Variants in MIPOL1 observed in about 807,000 individuals in gnomAD.
MIPOL1 encodes the protein mirror-image polydactyly 1.
A neutral mutation model predicts 60.9 loss-of-function variants in MIPOL1; 57 were observed. That is an observed-to-expected ratio of 0.94 (90% CI 0.76 to 1.17). The LOEUF is 1.17. MIPOL1 is among the 50% of genes most tolerant of loss of function. The probability of loss-of-function intolerance (pLI) is 0.00; values close to 1 mark genes in which losing one functional copy is unlikely to be tolerated. For synonymous variants in MIPOL1, 179 were observed against 168.8 expected, an observed-to-expected ratio of 1.06 and a Z score of -0.47; for missense variants, 551 against 511.6, an observed-to-expected ratio of 1.08 and a Z score of -0.74.
At chr14:37,434,229 C>T (rs2094125708) in intron 11 of MIPOL1, among the ~76,000 whole-genome samples, 1 of 152,168 alleles carries the variant, frequency 6.6e-6, no homozygotes, top group South Asian at 2.1e-4. Context: ...ACCATTCTAA[C>T]TGGCGTGAGA....
chr14:37,225,015 A>G (rs1969462846), intron 1 of MIPOL1, among the ~76,000 whole-genome samples: 1 of 152,176 alleles, frequency 6.6e-6, no homozygotes, highest in Non-Finnish European at 1.5e-5. Context: ...GTCAAATATT[A>G]AAGTTCCAGA....
chr14:37,418,374 T>C (rs868563515), intron 10 of MIPOL1, among the ~76,000 whole-genome samples: 2 of 152,140 alleles, frequency 1.3e-5, no homozygotes, highest in Non-Finnish European at 2.9e-5. Flanking sequence ...ATGGCTGTCC[T>C]ATTTAGATGG....
intron 11 of MIPOL1, among the ~76,000 whole-genome samples, chr14:37,436,895 A>G (rs971181587): frequency 6.6e-6 from 1 of 152,196 alleles, no homozygotes; most frequent in African/African-American, 2.4e-5. Context: ...CTAGTTCTCT[A>G]AAGTTTAAAT....
chr14:37,372,530 G>T (rs868831732), intron 10 of MIPOL1, among the ~76,000 whole-genome samples: 5 of 151,936 alleles, frequency 3.3e-5, no homozygotes, highest in Admixed American at 6.6e-5. Flanking sequence ...GAGATGGGTG[G>T]ATCACTTGGG....
chr14:37,430,872 C>T (rs1445687052), intron 11 of MIPOL1, among the ~76,000 whole-genome samples: 2 of 152,136 alleles, frequency 1.3e-5, no homozygotes, highest in African/African-American at 2.4e-5. Flanking sequence ...TCCAGAAGGA[C>T]GTTTTTTGGC....
At chr14:37,319,454 G>A (rs893854706) in intron 9 of MIPOL1, among the ~76,000 whole-genome samples, 2 of 152,082 alleles carry the variant, frequency 1.3e-5, no homozygotes, top group African/African-American at 4.8e-5. Flanking sequence ...TGCAGTTTTT[G>A]AGTTTTCTGA....
intron 1 of MIPOL1, among the ~76,000 whole-genome samples, chr14:37,226,169 C>T (rs557493770): frequency 2.1e-4 from 32 of 152,152 alleles, no homozygotes; most frequent in African/African-American, 5.8e-4. Context: ...TCTTCTGACC[C>T]CTGCAAACTG....
chr14:37,463,180 A>G (rs368585819), intron 11 of MIPOL1, among the ~76,000 whole-genome samples: 1 of 152,218 alleles, frequency 6.6e-6, no homozygotes, highest in Admixed American at 6.5e-5. Context: ...TGTGGATGTC[A>G]GCAGGCTAAG....
chr14:37,500,391 G>A (rs2095198472), intron 12 of MIPOL1, among the ~76,000 whole-genome samples: 1 of 152,032 alleles, frequency 6.6e-6, no homozygotes, highest in Middle Eastern at 3.2e-3. Context: ...AGTTCATGGA[G>A]GCCATACTAT....
intron 9 of MIPOL1, among the ~76,000 whole-genome samples, chr14:37,346,865 A>T (rs1299737844): frequency 6.6e-6 from 1 of 152,198 alleles, no homozygotes; most frequent in African/African-American, 2.4e-5. Context: ...AGAAGTGATA[A>T]TGAAGCTTGT....
At chr14:37,310,624 A>C (rs1382025423) in intron 9 of MIPOL1, among the ~76,000 whole-genome samples, 2 of 152,136 alleles carry the variant, frequency 1.3e-5, no homozygotes, top group Non-Finnish European at 2.9e-5. Context: ...CTCCTACTTC[A>C]TAAAATGTTT....
chr14:37,308,218 T>C, intron 8 of MIPOL1, 129 bp downstream of exon 8: 4 of 1,182,914 alleles, frequency 3.4e-6, no homozygotes, highest in Non-Finnish European at 4.7e-6. Context: ...TGTACATCTT[T>C]GCTGCAATAT....
chr14:37,467,571 G>A (rs1411279045), intron 11 of MIPOL1, among the ~76,000 whole-genome samples: 1 of 152,180 alleles, frequency 6.6e-6, no homozygotes. Context: ...TTACCTTCGG[G>A]AGAATCACAG....
intron 10 of MIPOL1, among the ~76,000 whole-genome samples, chr14:37,383,938 C>T (rs1215611310): frequency 6.6e-6 from 1 of 151,754 alleles, no homozygotes; most frequent in Non-Finnish European, 1.5e-5. Flanking sequence ...GAACTCAGCT[C>T]ATCATGGCAG....
At chr14:37,457,101 C>G (rs995548070) in intron 11 of MIPOL1, among the ~76,000 whole-genome samples, 1 of 151,984 alleles carries the variant, frequency 6.6e-6, no homozygotes, top group African/African-American at 2.4e-5. Context: ...TGAAATAAAG[C>G]ATTTGTTATA....
intron 10 of MIPOL1, among the ~76,000 whole-genome samples, chr14:37,421,675 G>A (rs1019858887): frequency 6.6e-6 from 1 of 151,994 alleles, no homozygotes; most frequent in African/African-American, 2.4e-5. Flanking sequence ...CCAGTTCAGA[G>A]AACAGATTAA....
intron 9 of MIPOL1, among the ~76,000 whole-genome samples, chr14:37,336,473 A>G (rs982899129): frequency 6.6e-5 from 10 of 150,960 alleles, no homozygotes; most frequent in African/African-American, 1.4e-4. Context: ...AAGCCCAACA[A>G]AGGCATTCTT....
chr14:37,548,631 C>G lies in MIPOL1; in HGVS notation c.*1660C>G, dbSNP rs1386292041. On this transcript the variant is annotated 3_prime_UTR_variant, in exon 13 of 13. Transcript: ENST00000684589. ...GAAGAAACATTATCTTTAAAGTCAT[C>G]TGGGAGGTGCAGGTAAGTAAAGAGA... The G allele has an allele frequency of 6.6e-6, 1 of 151,870 alleles. No individual in the cohort carries two copies. The highest frequency in any genetic ancestry group is 1.5e-5 in the Non-Finnish European group (1 of 67,850). The allele number at this position is 151,870 out of a possible 1,614,324, so 9.4% of individuals were successfully genotyped here. A position where few individuals can be genotyped will look rare whatever the true frequency, so the allele number is the denominator to read the frequency against.
chr14:37,280,167 T>G (rs55979582), intron 6 of MIPOL1, among the ~76,000 whole-genome samples: 12,691 of 152,138 alleles, frequency 0.083, 1,784 homozygotes, highest in African/African-American at 0.29. Flanking sequence ...ATCCTAGCTT[T>G]TAAAGGCTGT....
Sources: allele counts gnomAD v4.1 joint callset (sites outside exome capture counted in the v4.1 genomes callset), GRCh38; gene constraint gnomAD v4.1.1; transcripts MANE v1.5; gene names NCBI Gene and HGNC (gene_info 2026-07-23, HGNC 2026-07-21).